The following EBF2 variants were observed in gnomAD, a reference collection of about 807,000 sequenced individuals.
EBF2 encodes EBF transcription factor 2.
A neutral mutation model predicts 72.8 loss-of-function variants in EBF2; 21 were observed. The observed-to-expected ratio is 0.29, with a 90% CI of 0.20 to 0.42. EBF2 has a LOEUF of 0.42. Ranked by LOEUF, EBF2 falls within the 10% of genes least tolerant of loss-of-function variation. The pLI is 1.00. For missense variants in EBF2, 637 were observed against 731.2 expected (o/e 0.87, Z 1.49); for synonymous variants, 299 against 274.2 (o/e 1.09, Z -0.89).
At position 26,042,269 on chromosome 8, in the gene EBF2, CG is replaced by C. The variant is rs776735788; in HGVS notation, c.132-19del. On this transcript the variant is annotated intron_variant, in intron 1 of 15. Transcript: ENST00000520164. ...CGACCCCGCTGCACAGGGAGAAAAACGGGGGAACACAAGACACGGGGAAGCA... is the reference window on the plus strand; with the variant it reads ...CGACCCCGCTGCACAGGGAGAAAAACGGGGAACACAAGACACGGGGAAGCA... The C allele has an allele frequency of 6.2e-7, 1 of 1,605,568 alleles. No homozygotes were observed. The highest frequency in any genetic ancestry group is 1.3e-5 in the African/African-American group (1 of 74,834).
At chr8:26,002,717 G>T (rs1345883787) in intron 6 of EBF2, among the ~76,000 whole-genome samples, 1 of 152,186 alleles carries the variant, frequency 6.6e-6, no homozygotes, top group Admixed American at 6.5e-5. Context: ...AATGAGGGTA[G>T]TAATGGCCCG....
In EBF2 at chr8:25,874,053, C is replaced by T. The variant is rs553561998; in HGVS notation, c.1010-11256G>A. On this transcript the variant is annotated intron_variant, in intron 10 of 15. Transcript: ENST00000520164. The stretch of plus-strand genomic sequence containing the variant: ...GGGGGCTATTGACTCAACCTGTCTC[C>T]AGTTTGAACAAGGAATAGTTGTACT... Among the ~76,000 whole-genome samples, 11 of 152,276 alleles carry T rather than the reference C, an allele frequency of 7.2e-5. No individual in the cohort carries two copies. The South Asian group carries it at 2.3e-3, about 32-fold the overall frequency.
At chr8:25,860,104 T>A (rs6983815) in intron 13 of EBF2, among the ~76,000 whole-genome samples, 76,881 of 151,992 alleles carry the variant, frequency 0.51, 21,348 homozygotes, top group African/African-American at 0.74. Context: ...AACTATCCCA[T>A]TGTTAAGGAC....
At chr8:25,944,422 T>A (rs1317826179) in intron 6 of EBF2, among the ~76,000 whole-genome samples, 1 of 152,044 alleles carries the variant, frequency 6.6e-6, no homozygotes, top group Non-Finnish European at 1.5e-5. Context: ...AGACTAGAAG[T>A]TTTTGCAGGC....
intron 7 of EBF2, among the ~76,000 whole-genome samples, chr8:25,907,656 A>G (rs947362094): frequency 6.6e-6 from 1 of 152,002 alleles, no homozygotes; most frequent in Non-Finnish European, 1.5e-5. Context: ...ACATGAGGCT[A>G]AGGTTCCCCA....
chr8:25,896,480 C>A (rs1205362355), intron 7 of EBF2, among the ~76,000 whole-genome samples: 1 of 151,996 alleles, frequency 6.6e-6, no homozygotes, highest in East Asian at 1.9e-4. Context: ...TGTTATTTTG[C>A]CAAGAGTGGG....
rs748384421 is a variant in EBF2, at chr8:26,033,156, G to A, written c.483-3C>T. The A allele has an allele frequency of 1.2e-6, 2 of 1,614,024 alleles. No homozygotes were observed. Among genetic ancestry groups the A allele is most frequent in the East Asian group, 2.2e-5 (1 of 44,878 alleles). ...AGCTTTTCTTTTCGCAGCATCGACT[G>A]TAGATTGGGAAGGAACCAAGAGTGA... On this transcript the variant is annotated splice_region_variant and splice_polypyrimidine_tract_variant and intron_variant, in intron 5 of 15. Coordinates refer to ENST00000520164, the MANE Select transcript of EBF2 (RefSeq NM_022659.4).
Position 26,042,079 on chromosome 8 carries a change from G to A in EBF2, c.288+16C>T. ...AGTTATTAGGCCGCGGGGTTTGGGGGGTACTTTCCGCTTACTTTGTCATTC... is the reference window on the plus strand; with the variant it reads ...AGTTATTAGGCCGCGGGGTTTGGGGAGTACTTTCCGCTTACTTTGTCATTC... On this transcript the variant is annotated intron_variant, in intron 2 of 15. Transcript: ENST00000520164. 2 of 1,612,462 alleles carry A rather than the reference G, an allele frequency of 1.2e-6. No individual in the cohort carries two copies. The highest frequency in any genetic ancestry group is 1.7e-5 in the Admixed American group (1 of 59,948).
chr8:26,003,351 T>C (rs188317513), intron 6 of EBF2, among the ~76,000 whole-genome samples: 206 of 152,350 alleles, frequency 1.4e-3, no homozygotes, highest in Non-Finnish European at 2.2e-3. Context: ...GATTATTTTC[T>C]GTGAGCCAGA....
intron 13 of EBF2, 46 bp from the exon 14 acceptor site, chr8:25,858,550 G>C: frequency 6.4e-7 from 1 of 1,572,428 alleles, no homozygotes; most frequent in East Asian, 2.3e-5. Flanking sequence ...GGCGTGCACA[G>C]TCAGGCCACA....
At position 25,896,709 on chromosome 8, in the gene EBF2, G is replaced by A. The variant is rs182509152; in HGVS notation, c.634-6840C>T. 1.8e-4 allele frequency among the ~76,000 whole-genome samples: 28 copies of A among 152,254 alleles called. No individual in the cohort carries two copies. In the South Asian group the frequency reaches 3.7e-3, roughly 20 times the overall value. On this transcript the variant is annotated intron_variant, in intron 7 of 15. Transcript: ENST00000520164. ...AGACAGACTTCTGGCTATGGCGAGCGACCAAGCTGCAGTTCCATATTGCAA... is the reference window on the plus strand; with the variant it reads ...AGACAGACTTCTGGCTATGGCGAGCAACCAAGCTGCAGTTCCATATTGCAA...
chr8:25,935,050 T>C (rs542120227), intron 6 of EBF2, among the ~76,000 whole-genome samples: 31 of 152,280 alleles, frequency 2.0e-4, no homozygotes, highest in Non-Finnish European at 4.0e-4. Context: ...GCGGGCAGGA[T>C]CCCAACGCGA....
intron 6 of EBF2, among the ~76,000 whole-genome samples, chr8:26,018,114 T>C (rs967849529): frequency 1.1e-5 from 1 of 93,654 alleles, no homozygotes; most frequent in African/African-American, 4.4e-5. Context: ...TTGGAAAAGT[T>C]TTTTTTTTTT....
At chr8:25,867,836 C>T (rs1197915003) in intron 10 of EBF2, among the ~76,000 whole-genome samples, 1 of 152,160 alleles carries the variant, frequency 6.6e-6, no homozygotes, top group East Asian at 1.9e-4. Context: ...AAATGATTGA[C>T]TGCCAATCAG....
chr8:25,907,838 G>A (rs1803063576), intron 7 of EBF2, among the ~76,000 whole-genome samples: 2 of 152,306 alleles, frequency 1.3e-5, no homozygotes, highest in African/African-American at 4.8e-5. Flanking sequence ...CTCAAGGAAG[G>A]GGGCCGAGAG....
intron 6 of EBF2, among the ~76,000 whole-genome samples, chr8:25,969,011 T>TA (rs770715767): frequency 1.7e-4 from 25 of 151,074 alleles, no homozygotes; most frequent in Non-Finnish European, 2.1e-4. Flanking sequence ...CTTAAAATGG[T>TA]AAAAAAAAAT....
intron 10 of EBF2, among the ~76,000 whole-genome samples, chr8:25,877,645 T>A (rs192217604): frequency 6.6e-6 from 1 of 152,132 alleles, no homozygotes; most frequent in Non-Finnish European, 1.5e-5. Context: ...ACAGAAAATG[T>A]CAACAGTTGG....
At chr8:25,888,086 T>G in intron 8 of EBF2, 114 bp from the exon 9 acceptor site, 3 of 1,195,822 alleles carry the variant, frequency 2.5e-6, no homozygotes, top group Non-Finnish European at 3.4e-6. Flanking sequence ...TAAAATACAC[T>G]AATGCTAACG....
chr8:26,027,396 C>A (rs368206851), intron 6 of EBF2, among the ~76,000 whole-genome samples: 4 of 151,876 alleles, frequency 2.6e-5, no homozygotes, highest in African/African-American at 9.7e-5. Context: ...AAAGGTGAAA[C>A]CAGCAGATGA....
Sources: allele counts gnomAD v4.1 joint callset (sites outside exome capture counted in the v4.1 genomes callset), GRCh38; gene constraint gnomAD v4.1.1; transcripts MANE v1.5; gene names NCBI Gene and HGNC (gene_info 2026-07-23, HGNC 2026-07-21).